DNER: variants seen among roughly 807,000 people sequenced by gnomAD.
The protein encoded by DNER is delta and Notch-like epidermal growth factor-related receptor.
DNER carries 33 observed loss-of-function variants against 78.2 expected under a neutral mutation model. That is an observed-to-expected ratio of 0.42 (90% CI 0.32 to 0.56). The LOEUF (loss-of-function observed/expected upper bound fraction) is 0.56, where lower values mean the gene tolerates loss of function less well. DNER is among the 20% of genes least tolerant of loss of function. DNER has a pLI of 0.11. For missense variants in DNER, 918 were observed against 975.3 expected, an observed-to-expected ratio of 0.94 and a Z score of 0.78; for synonymous variants, 417 against 384.8, an observed-to-expected ratio of 1.08 and a Z score of -0.98.
intron 6 of DNER, among the ~76,000 whole-genome samples, chr2:229,511,197 A>G (rs1335108361): frequency 6.6e-6 from 1 of 152,080 alleles, no homozygotes; most frequent in Non-Finnish European, 1.5e-5. Context: ...CCCAACTCCT[A>G]CCTTATCCTG....
At chr2:229,612,077 A>T (rs1314695597) in intron 1 of DNER, among the ~76,000 whole-genome samples, 2 of 152,240 alleles carry the variant, frequency 1.3e-5, no homozygotes, top group African/African-American at 4.8e-5. Context: ...AAGCGCTGCT[A>T]GAGTCAAATC....
rs76420251 is a variant in DNER at position 229,561,769 on chromosome 2, C to T, written c.848-14677G>A. 6.6e-3 allele frequency among the ~76,000 whole-genome samples: 997 copies of T among 152,186 alleles called. 12 individuals are homozygous for T. The highest frequency in any genetic ancestry group is 0.023 in the African/African-American group (957 of 41,524). ...TTGTCCTAGTTGAGTATTTGAACTG[C>T]GGGAATAACTGCTAATTGCCCACTG... On this transcript the variant is annotated intron_variant, in intron 4 of 12. Transcript: ENST00000341772.
chr2:229,414,625 G>T (rs972379060), intron 9 of DNER, among the ~76,000 whole-genome samples: 1 of 152,068 alleles, frequency 6.6e-6, no homozygotes, highest in African/African-American at 2.4e-5. Context: ...TCAACACATG[G>T]CTTTGTTTTA....
At chr2:229,651,382 ATGTTTTCCTATG>A (rs1698814099) in intron 1 of DNER, among the ~76,000 whole-genome samples, 1 of 152,222 alleles carries the variant, frequency 6.6e-6, no homozygotes, top group African/African-American at 2.4e-5. Flanking sequence ...TGAGTCGTCG[ATGTTTTCCTATG>A]GTTCTCAGAG....
At chr2:229,401,068 G>A (rs1693256874) in intron 10 of DNER, among the ~76,000 whole-genome samples, 1 of 151,980 alleles carries the variant, frequency 6.6e-6, no homozygotes, top group South Asian at 2.1e-4. Context: ...ATAAGCACAG[G>A]AAAAGATGCT....
intron 5 of DNER, among the ~76,000 whole-genome samples, chr2:229,540,469 G>T (rs149280932): frequency 6.6e-6 from 1 of 152,108 alleles, no homozygotes; most frequent in African/African-American, 2.4e-5. Flanking sequence ...ACATGGTTTC[G>T]GAACAGGAGA....
chr2:229,661,337 T>C (rs78893337), intron 1 of DNER, among the ~76,000 whole-genome samples: 8,997 of 152,210 alleles, frequency 0.059, 371 homozygotes, highest in Middle Eastern at 0.085. Flanking sequence ...TGTTACTCAG[T>C]ACATGATTCA....
chr2:229,704,772 T>A (rs981782591), intron 1 of DNER, among the ~76,000 whole-genome samples: 1 of 152,108 alleles, frequency 6.6e-6, no homozygotes, highest in African/African-American at 2.4e-5. Flanking sequence ...CCAAGAAGAG[T>A]GAATTTTACT....
rs369196831 is a variant in DNER at position 229,465,609 on chromosome 2, C to T, written c.1261+11531G>A. Among the ~76,000 whole-genome samples, 56 of 152,146 alleles carry T rather than the reference C, an allele frequency of 3.7e-4. 1 individual carries two copies. The highest frequency in any genetic ancestry group is 1.3e-3 in the African/African-American group (53 of 41,506). On this transcript the variant is annotated intron_variant, in intron 7 of 12. Transcript: ENST00000341772. ...CATTTAAAAAAAAATAAAAAACAAACAGAATCTCAGCCCCCATCCCATACC... is the reference window on the plus strand; with the variant it reads ...CATTTAAAAAAAAATAAAAAACAAATAGAATCTCAGCCCCCATCCCATACC...
chr2:229,501,813 T>A (rs528011771), intron 6 of DNER, among the ~76,000 whole-genome samples: 8 of 152,318 alleles, frequency 5.3e-5, no homozygotes, highest in Admixed American at 2.0e-4. Context: ...ATTAATTAAT[T>A]ATAAATAGTT....
intron 1 of DNER, among the ~76,000 whole-genome samples, chr2:229,697,751 C>A (rs1289002029): frequency 6.6e-6 from 1 of 152,156 alleles, no homozygotes. Context: ...GAGTTTACAC[C>A]AGGAGACAAG....
chr2:229,473,783 G>A (rs896960657), intron 7 of DNER, among the ~76,000 whole-genome samples: 4 of 152,180 alleles, frequency 2.6e-5, no homozygotes, highest in African/African-American at 9.7e-5. Context: ...AAATGGAAAA[G>A]GAGGCAGGCA....
Position 229,413,085 on chromosome 2 carries a change from G to C in DNER, c.1609+5023C>G, listed in dbSNP as rs113583700. Among the ~76,000 whole-genome samples the C allele has an allele frequency of 8.6e-3, 1,303 of 152,024 alleles. 15 individuals are homozygous for C. Among genetic ancestry groups the C allele is most frequent in the African/African-American group, 0.03 (1,231 of 41,490 alleles). The stretch of plus-strand genomic sequence containing the variant: ...AACTTTTTTTTTCTTTAGCAGCCCA[G>C]TTTTTCTAGAAGGGCTTATTTGAAA... On this transcript the variant is annotated intron_variant, in intron 9 of 12. Coordinates refer to ENST00000341772, the MANE Select transcript of DNER (RefSeq NM_139072.4).
chr2:229,430,998 T>C (rs1177455589), intron 8 of DNER, among the ~76,000 whole-genome samples: 1 of 152,112 alleles, frequency 6.6e-6, no homozygotes, highest in Non-Finnish European at 1.5e-5. Context: ...GACATTATAA[T>C]AAACGCACTG....
At chr2:229,509,633 G>A (rs1322031945) in intron 6 of DNER, among the ~76,000 whole-genome samples, 1 of 152,166 alleles carries the variant, frequency 6.6e-6, no homozygotes, top group African/African-American at 2.4e-5. Context: ...GGCCATCATG[G>A]TGAAACCCTG....
At chr2:229,452,818 G>A (rs992176304) in intron 7 of DNER, among the ~76,000 whole-genome samples, 11 of 151,816 alleles carry the variant, frequency 7.2e-5, no homozygotes, top group African/African-American at 2.7e-4. Context: ...AGTAGAGACG[G>A]GGTTTCACCA....
intron 5 of DNER, among the ~76,000 whole-genome samples, chr2:229,518,516 T>C (rs1696026543): frequency 6.6e-6 from 1 of 152,222 alleles, no homozygotes; most frequent in African/African-American, 2.4e-5. Context: ...GGGGTGTAAA[T>C]AGGCTTTTAT....
chr2:229,584,889 G>A (rs1361086348), intron 4 of DNER, among the ~76,000 whole-genome samples: 5 of 130,512 alleles, frequency 3.8e-5, no homozygotes, highest in Admixed American at 2.4e-4. Flanking sequence ...AGCTGAGATC[G>A]TCCCAAAAAA....
chr2:229,509,489 C>G (rs1695818578), intron 6 of DNER, among the ~76,000 whole-genome samples: 2 of 152,238 alleles, frequency 1.3e-5, no homozygotes, highest in African/African-American at 4.8e-5. Flanking sequence ...GATCCAGGTC[C>G]TGCCCTCATG....
Sources: gnomAD v4.1 joint callset for allele counts (sites outside exome capture counted in the v4.1 genomes callset) on GRCh38, gnomAD v4.1.1 for gene constraint, MANE v1.5 for transcripts, NCBI Gene and HGNC (gene_info 2026-07-23, HGNC 2026-07-21) for gene names.